TYW1B: variants seen among roughly 807,000 people sequenced by gnomAD.
TYW1B encodes S-adenosyl-L-methionine-dependent tRNA 4-demethylwyosine synthase TYW1B.
A neutral mutation model predicts 86.9 loss-of-function variants in TYW1B; 73 were observed. The ratio of observed to expected loss-of-function variants is 0.84; its 90% CI spans 0.70 to 1.02. The LOEUF (loss-of-function observed/expected upper bound fraction) is 1.02, where lower values mean the gene tolerates loss of function less well. Among genes scored for constraint, TYW1B ranks in the 50% least tolerant of loss-of-function variants. TYW1B has a pLI of 0.00. For synonymous variants in TYW1B, 248 were observed against 292.8 expected (o/e 0.85, Z 1.56); for missense variants, 637 against 827.4 (o/e 0.77, Z 2.82).
intron 11 of TYW1B, among the ~76,000 whole-genome samples, chr7:72,632,285 G>GTATATATATATATATATATATAATA (rs1239640717): frequency 1.1e-4 from 9 of 83,544 alleles, no homozygotes; most frequent in African/African-American, 5.8e-4. Context: ...ATATATACGT[G>GTATATATATATATATATATATAATA]TATATATATA....
In TYW1B at chr7:72,609,817, C is replaced by T. The variant is rs186610011; in HGVS notation, c.1785+6855G>A. On this transcript the variant is annotated intron_variant, in intron 13 of 13. Coordinates refer to ENST00000620995, the MANE Select transcript of TYW1B (RefSeq NM_001145440.3). Reference sequence around the variant, plus strand: ...GGAAAATGACAAGATCTGCATACTCCGAGATCAACAACGAAAAGGAAAAGA... The same window carrying T: ...GGAAAATGACAAGATCTGCATACTCTGAGATCAACAACGAAAAGGAAAAGA... Among the ~76,000 whole-genome samples, 238 of 152,142 alleles carry T rather than the reference C, an allele frequency of 1.6e-3. 3 individuals are homozygous for T. Among genetic ancestry groups the T allele is most frequent in the African/African-American group, 5.6e-3 (232 of 41,496 alleles).
intron 10 of TYW1B, among the ~76,000 whole-genome samples, chr7:72,702,003 G>GT (rs1193239058): frequency 6.6e-6 from 1 of 152,210 alleles, no homozygotes; most frequent in Non-Finnish European, 1.5e-5. Context: ...CCCTGATCGT[G>GT]TGAGTGGGGT....
At chr7:72,774,467 A>AATCC (rs1416406595) in intron 7 of TYW1B, among the ~76,000 whole-genome samples, 4 of 151,750 alleles carry the variant, frequency 2.6e-5, no homozygotes, top group African/African-American at 9.7e-5. Context: ...TCAAGTCTGT[A>AATCC]ATCCCAGCAC....
At chr7:72,773,239 C>T (rs570803782) in intron 7 of TYW1B, among the ~76,000 whole-genome samples, 13 of 152,064 alleles carry the variant, frequency 8.5e-5, no homozygotes, top group Non-Finnish European at 1.8e-4. Flanking sequence ...CAAATATAAG[C>T]CAACAGTGTA....
chr7:72,756,520 C>G (rs568975072), intron 7 of TYW1B, among the ~76,000 whole-genome samples: 1 of 152,224 alleles, frequency 6.6e-6, no homozygotes, highest in African/African-American at 2.4e-5. Flanking sequence ...CAGGTGTGAG[C>G]CACGACACCC....
chr7:72,704,961 G>C (rs1450170273), intron 10 of TYW1B, among the ~76,000 whole-genome samples: 1 of 152,138 alleles, frequency 6.6e-6, no homozygotes, highest in Admixed American at 6.6e-5. Context: ...AAAGACAGGA[G>C]AGAAAATTAG....
intron 12 of TYW1B, among the ~76,000 whole-genome samples, chr7:72,626,053 T>A (rs1268237619): frequency 2.0e-5 from 3 of 151,950 alleles, no homozygotes; most frequent in Non-Finnish European, 4.4e-5. Context: ...TTGGCAAGGT[T>A]TGCTTAAGCT....
chr7:72,746,239 T>TA (rs371908119), intron 7 of TYW1B, among the ~76,000 whole-genome samples: 93 of 149,086 alleles, frequency 6.2e-4, no homozygotes, highest in Non-Finnish European at 9.7e-4. Flanking sequence ...TGTTCTAATT[T>TA]AAAAAAAAAA....
chr7:72,601,791 A>C (rs1554433806), intron 13 of TYW1B, among the ~76,000 whole-genome samples: 1 of 151,796 alleles, frequency 6.6e-6, no homozygotes, highest in East Asian at 1.9e-4. Context: ...GAAAGAAGCC[A>C]GTTTGATAAA....
In TYW1B at chr7:72,745,851, G is replaced by T. The variant is rs1340477889; in HGVS notation, c.965-1250C>A. ...TGAGTAGCCTTTACACGTGTATAGGGGTGTGTGTGTGTGTGTGTGTGTGTG... is the reference window on the plus strand; with the variant it reads ...TGAGTAGCCTTTACACGTGTATAGGTGTGTGTGTGTGTGTGTGTGTGTGTG... On this transcript the variant is annotated intron_variant, in intron 7 of 13. Transcript: ENST00000620995. Among the ~76,000 whole-genome samples the T allele has an allele frequency of 9.6e-3, 718 of 75,164 alleles. 5 individuals are homozygous for T. The highest frequency in any genetic ancestry group is 0.071 in the Middle Eastern group (8 of 112). 49.3% of individuals were successfully genotyped at this position (75,164 alleles called of 152,430 possible). A position where few individuals can be genotyped will look rare whatever the true frequency, so the allele number is the denominator to read the frequency against.
intron 6 of TYW1B, among the ~76,000 whole-genome samples, chr7:72,802,158 T>C (rs1208544857): frequency 8.5e-5 from 13 of 152,126 alleles, no homozygotes; most frequent in South Asian, 4.1e-4. Flanking sequence ...CGATCTACAA[T>C]GTCCTCAGTC....
chr7:72,732,673 A>G (rs1425029359), intron 8 of TYW1B, among the ~76,000 whole-genome samples: 1 of 152,198 alleles, frequency 6.6e-6, no homozygotes, highest in African/African-American at 2.4e-5. Context: ...GAATGATTTC[A>G]AATATCAATC....
chr7:72,616,553 GA>G (rs1192119094), intron 13 of TYW1B, 118 bp downstream of exon 13: 77 of 1,484,416 alleles, frequency 5.2e-5, no homozygotes, highest in Non-Finnish European at 6.8e-5. Context: ...TTTGTTTTGG[GA>G]AAGGTAGCAA....
At chr7:72,824,156 G>A (rs1230411753) in intron 2 of TYW1B, among the ~76,000 whole-genome samples, 14 of 152,030 alleles carry the variant, frequency 9.2e-5, no homozygotes, top group African/African-American at 3.4e-4. Flanking sequence ...CACTCAAGTA[G>A]TGAAAACCTA....
At chr7:72,708,042 T>C (rs1274069656) in intron 10 of TYW1B, among the ~76,000 whole-genome samples, 5 of 152,198 alleles carry the variant, frequency 3.3e-5, no homozygotes, top group Non-Finnish European at 7.3e-5. Context: ...CCGTGCTTCC[T>C]CTACAACCTG....
chr7:72,676,730 C>A (rs183650464), intron 11 of TYW1B, among the ~76,000 whole-genome samples: 2 of 152,024 alleles, frequency 1.3e-5, no homozygotes, highest in Middle Eastern at 3.4e-3. Flanking sequence ...GAGGCCGAGG[C>A]GGTGGATTGC....
intron 12 of TYW1B, among the ~76,000 whole-genome samples, chr7:72,617,909 G>C (rs1348843025): frequency 6.6e-6 from 1 of 151,986 alleles, no homozygotes; most frequent in Non-Finnish European, 1.5e-5. Flanking sequence ...TCATAACTAA[G>C]TTCTTTATTT....
At chr7:72,780,289 C>T (rs1241581951) in intron 6 of TYW1B, among the ~76,000 whole-genome samples, 10 of 152,084 alleles carry the variant, frequency 6.6e-5, no homozygotes, top group Non-Finnish European at 1.2e-4. Context: ...ATAAAGAAGT[C>T]TTGTGGTGAA....
At chr7:72,825,268 C>G (rs1227834177) in intron 2 of TYW1B, among the ~76,000 whole-genome samples, 6 of 152,130 alleles carry the variant, frequency 3.9e-5, no homozygotes, top group East Asian at 1.9e-4. Context: ...ACTGTTCCCC[C>G]CCAAAAAAGA....
Sources: gnomAD v4.1 joint callset for allele counts (sites outside exome capture counted in the v4.1 genomes callset) on GRCh38, gnomAD v4.1.1 for gene constraint, MANE v1.5 for transcripts, NCBI Gene and HGNC (gene_info 2026-07-23, HGNC 2026-07-21) for gene names.